Variants in KCNA1 observed in about 807,000 individuals in gnomAD.
KCNA1 encodes potassium channel, voltage gated shaker related subfamily A, member 1.
A neutral mutation model predicts 28.8 loss-of-function variants in KCNA1; 19 were observed. The ratio of observed to expected loss-of-function variants is 0.66; its 90% CI spans 0.46 to 0.97. KCNA1 has a LOEUF of 0.97. Ranked by LOEUF, KCNA1 falls within the 50% of genes least tolerant of loss-of-function variation. The pLI is 0.00. For missense variants in KCNA1, 419 were observed against 659.7 expected (o/e 0.64, Z 4.00); for synonymous variants, 311 against 268.8 (o/e 1.16, Z -1.53).
rs1206027538 is a variant in KCNA1, at chr12:4,911,426, G to C, written c.48G>C (p.Pro16=). 3 of 1,612,926 alleles carry C rather than the reference G, an allele frequency of 1.9e-6. No homozygotes were observed. The highest frequency in any genetic ancestry group is 1.1e-5 in the South Asian group (1 of 91,030). ...GENVDEASAA[P]GHPQDGSYPR... ...ACGTGGACGAGGCTTCGGCCGCCCCGGGCCACCCCCAGGATGGCAGCTACC... is the reference window on the plus strand; with the variant it reads ...ACGTGGACGAGGCTTCGGCCGCCCCCGGCCACCCCCAGGATGGCAGCTACC... The change falls in exon 2 of 2, where the codon CCG becomes CCC. Residue 16 remains proline, a synonymous_variant. Transcript: ENST00000382545. This position sits in a 1 kb window ranked among gnomAD's most constrained non-coding sequence, Gnocchi z 6.6.
chr12:4,912,560 C>T lies in KCNA1; in HGVS notation c.1182C>T (p.Ile394=), dbSNP rs1286917797. 12 of 1,613,680 alleles carry T rather than the reference C, an allele frequency of 7.4e-6. No homozygotes were observed. The highest frequency in any genetic ancestry group is 1.1e-5 in the South Asian group (1 of 91,054). ...GGKIVGSLCA[I]AGVLTIALPV... ...AGATCGTGGGCTCCTTGTGTGCCAT[C>T]GCTGGTGTGCTAACAATTGCCCTGC... The change falls in exon 2 of 2, where the codon ATC becomes ATT. Residue 394 remains isoleucine (I), a synonymous_variant. Coordinates refer to ENST00000382545, the MANE Select transcript of KCNA1 (RefSeq NM_000217.3).
At position 4,914,740 on chromosome 12, in the gene KCNA1, GTCCCTTTGACA is replaced by G. The variant is rs1318232430; in HGVS notation, c.*1875_*1885del. 6.0e-6 allele frequency: 1 copy of G among 167,132 alleles called. No homozygotes were observed. Among genetic ancestry groups the G allele is most frequent in the East Asian group, 1.9e-4 (1 of 5,198 alleles). 10.4% of individuals were successfully genotyped at this position (167,132 alleles called of 1,614,324 possible). A position where few individuals can be genotyped will look rare whatever the true frequency, so the allele number is the denominator to read the frequency against. ...TCTCTCTGGCCATCTACTAGCATTG[GTCCCTTTGACA>G]GCCTGACGCTGGATGTGAACTGAGA... On this transcript the variant is annotated 3_prime_UTR_variant, in exon 2 of 2. Transcript: ENST00000382545.
chr12:4,911,996 C>T lies in KCNA1; in HGVS notation c.618C>T (p.Asp206=). 6.2e-7 allele frequency: 1 copy of T among 1,614,180 alleles called. No homozygotes were observed. The highest frequency in any genetic ancestry group is 1.1e-5 in the South Asian group (1 of 91,082). ...KDFTGTVHRI[D]NTTVIYNSNI... ...TCACGGGCACCGTCCACCGCATCGA[C>T]AACACCACGGTCATCTACAATTCCA... The change falls in exon 2 of 2, where the codon GAC becomes GAT. Residue 206 remains aspartate, a synonymous_variant. Transcript: ENST00000382545. The surrounding 1 kb of genome is among the most constrained non-coding windows in gnomAD (Gnocchi z 6.6).
chr12:4,910,977 C>G lies in KCNA1; in HGVS notation c.-402C>G. ...GGCACTGCACCGGGTCCTAGGAAGG[C>G]TCTCGGAGGGGAGGGGAGGCCAGGG... On this transcript the variant is annotated 5_prime_UTR_variant, in exon 2 of 2. Coordinates refer to ENST00000382545, the MANE Select transcript of KCNA1 (RefSeq NM_000217.3). The surrounding 1 kb of genome is among the most constrained non-coding windows in gnomAD (Gnocchi z 4.9). 4.0e-6 allele frequency: 1 copy of G among 253,044 alleles called. No homozygotes were observed. The highest frequency in any genetic ancestry group is 5.2e-5 in the Admixed American group (1 of 19,360). The allele number at this position is 253,044 out of a possible 1,614,324, so 15.7% of individuals were successfully genotyped here.
Position 4,911,044 on chromosome 12 carries a change from C to A in KCNA1, c.-335C>A, listed in dbSNP as rs1464888324. 5.0e-6 allele frequency: 2 copies of A among 402,782 alleles called. No homozygotes were observed. The highest frequency in any genetic ancestry group is 9.2e-6 in the Non-Finnish European group (2 of 216,936). The allele number at this position is 402,782 out of a possible 1,614,324, so 25.0% of individuals were successfully genotyped here. ...GGCCCAGTCCGCTAGAACGGCACTG[C>A]GTTAAGGCACCTGGGATCAGGAAGA... On this transcript the variant is annotated 5_prime_UTR_variant, in exon 2 of 2. Coordinates refer to ENST00000382545, the MANE Select transcript of KCNA1 (RefSeq NM_000217.3). This position sits in a 1 kb window ranked among gnomAD's most constrained non-coding sequence, Gnocchi z 6.6.
Position 4,911,548 on chromosome 12 carries a change from A to T in KCNA1, c.170A>T (p.Gln57Leu). 1 of 1,614,152 alleles carries T rather than the reference A, an allele frequency of 6.2e-7. No individual in the cohort carries two copies. Among genetic ancestry groups the T allele is most frequent in the Non-Finnish European group, 8.5e-7 (1 of 1,180,028 alleles). Reference protein sequence around the residue: ...RFETQLKTLAQFPNTLLGNPK... With the variant: ...RFETQLKTLALFPNTLLGNPK... Reference sequence around the variant, plus strand: ...GAGACGCAGCTCAAGACCCTGGCGCAGTTCCCCAACACGCTGCTGGGCAAC... The same window carrying T: ...GAGACGCAGCTCAAGACCCTGGCGCTGTTCCCCAACACGCTGCTGGGCAAC... The change falls in exon 2 of 2, where the codon CAG becomes CTG. Residue 57 changes from glutamine (Q) to leucine (L), a missense_variant. Around this residue, in one of 4 missense-constraint regions of KCNA1, gnomAD observed 217 missense variants for 329.6 expected, o/e 0.66. Transcript: ENST00000382545. This position sits in a 1 kb window ranked among gnomAD's most constrained non-coding sequence, Gnocchi z 6.6.
At position 4,913,245 on chromosome 12, in the gene KCNA1, A is replaced by T; in HGVS notation, c.*379A>T. 2.1e-5 allele frequency: 6 copies of T among 282,952 alleles called. No individual in the cohort carries two copies. The allele number at this position is 282,952 out of a possible 1,614,324, so 17.5% of individuals were successfully genotyped here. ...TTTTTTAAAAACTCAGAACAAGATG[A>T]TCACTTAGAAATATGAAATTGAAAT... On this transcript the variant is annotated 3_prime_UTR_variant, in exon 2 of 2. Transcript: ENST00000382545.
chr12:4,914,226 CA>C lies in KCNA1; in HGVS notation c.*1362del, dbSNP rs2137675566. On this transcript the variant is annotated 3_prime_UTR_variant, in exon 2 of 2. Transcript: ENST00000382545. ...TTAAAGGGAAGCCATGTGAAAAACT[CA>C]ATAAGTCATCAAAGTACATATAGCA... 1 of 167,058 alleles carries C rather than the reference CA, an allele frequency of 6.0e-6. No individual in the cohort carries two copies. The highest frequency in any genetic ancestry group is 2.4e-5 in the African/African-American group (1 of 41,510). The allele number at this position is 167,058 out of a possible 1,614,324, so 10.3% of individuals were successfully genotyped here.
chr12:4,912,971 C>A lies in KCNA1; in HGVS notation c.*105C>A. ...CATGTCACGCTTTGTAGATACTTTA[C>A]TAAGTAGACTTGGAATGCTCTATTT... On this transcript the variant is annotated 3_prime_UTR_variant, in exon 2 of 2. Coordinates refer to ENST00000382545, the MANE Select transcript of KCNA1 (RefSeq NM_000217.3). 1.2e-6 allele frequency: 1 copy of A among 832,728 alleles called. No homozygotes were observed. Among genetic ancestry groups the A allele is most frequent in the South Asian group, 1.4e-5 (1 of 72,112 alleles). The allele number at this position is 832,728 out of a possible 1,614,324, so 51.6% of individuals were successfully genotyped here.
rs977437349 is a variant in KCNA1, at chr12:4,913,285, A to C, written c.*419A>C. 7.4e-6 allele frequency: 2 copies of C among 270,942 alleles called. No individual in the cohort carries two copies. Among genetic ancestry groups the C allele is most frequent in the Admixed American group, 1.0e-4 (2 of 19,290 alleles). The allele number at this position is 270,942 out of a possible 1,614,324, so 16.8% of individuals were successfully genotyped here. A position where few individuals can be genotyped will look rare whatever the true frequency, so the allele number is the denominator to read the frequency against. On this transcript the variant is annotated 3_prime_UTR_variant, in exon 2 of 2. Coordinates refer to ENST00000382545, the MANE Select transcript of KCNA1 (RefSeq NM_000217.3). ...GAAATTGAAATTCGCATGGGACTCC[A>C]GTAAAACATCTTTGCAAACTGCGTA...
Position 4,915,598 on chromosome 12 carries a change from T to A in KCNA1, c.*2732T>A, listed in dbSNP as rs1322475450. On this transcript the variant is annotated 3_prime_UTR_variant, in exon 2 of 2. Transcript: ENST00000382545. Reference sequence around the variant, plus strand: ...AACCCTCCCATGTGATGTCTCCTTCTCGTCTGAACCTTAACTCATTCTGGC... The same window carrying A: ...AACCCTCCCATGTGATGTCTCCTTCACGTCTGAACCTTAACTCATTCTGGC... 6.0e-6 allele frequency: 1 copy of A among 167,128 alleles called. No individual in the cohort carries two copies. 10.4% of individuals were successfully genotyped at this position (167,128 alleles called of 1,614,324 possible). A position where few individuals can be genotyped will look rare whatever the true frequency, so the allele number is the denominator to read the frequency against.
In KCNA1 at chr12:4,911,289, G is replaced by C. The variant is rs577510278; in HGVS notation, c.-90G>C. 9.9e-6 allele frequency: 10 copies of C among 1,007,026 alleles called. No individual in the cohort carries two copies. The African/African-American group carries it at 1.3e-4, about 13-fold the overall frequency. 62.4% of individuals were successfully genotyped at this position (1,007,026 alleles called of 1,614,324 possible). A position where few individuals can be genotyped will look rare whatever the true frequency, so the allele number is the denominator to read the frequency against. On this transcript the variant is annotated 5_prime_UTR_variant, in exon 2 of 2. Transcript: ENST00000382545. This position sits in a 1 kb window ranked among gnomAD's most constrained non-coding sequence, Gnocchi z 6.6. ...AGGGAGACGCGCGCTCCGGTGGGGG[G>C]GCCGCTTGGGTCCCCCCCACCCCTG...
chr12:4,911,143 C>A lies in KCNA1; in HGVS notation c.-236C>A. On this transcript the variant is annotated 5_prime_UTR_variant, in exon 2 of 2. Transcript: ENST00000382545. The surrounding 1 kb of genome is among the most constrained non-coding windows in gnomAD (Gnocchi z 6.6). ...CCCAACCCTCTGCAAAAAGCTGCAC[C>A]CGGCCCGCAGGCGAGGGGGATTCCA... 1 of 596,062 alleles carries A rather than the reference C, an allele frequency of 1.7e-6. No individual in the cohort carries two copies. Among genetic ancestry groups the A allele is most frequent in the African/African-American group, 1.9e-5 (1 of 53,826 alleles). 36.9% of individuals were successfully genotyped at this position (596,062 alleles called of 1,614,324 possible).
Position 4,911,880 on chromosome 12 carries a change from G to A in KCNA1, c.502G>A (p.Val168Ile). The A allele has an allele frequency of 4.3e-6, 7 of 1,614,018 alleles. No individual in the cohort carries two copies. Among genetic ancestry groups the A allele is most frequent in the Non-Finnish European group, 5.9e-6 (7 of 1,179,984 alleles). Residue 168 changes from valine to isoleucine, a missense_variant, in exon 2 of 2, where the codon GTC becomes ATC. By Grantham distance (29) the Val-to-Ile change is conservative. Transcript: ENST00000382545. The surrounding 1 kb of genome is among the most constrained non-coding windows in gnomAD (Gnocchi z 6.6). ...CCCCGAGAGCTCGGGGCCCGCCAGGGTCATCGCCATCGTCTCCGTCATGGT... is the reference window on the plus strand; with the variant it reads ...CCCCGAGAGCTCGGGGCCCGCCAGGATCATCGCCATCGTCTCCGTCATGGT... ...EYPESSGPAR[V>I]IAIVSVMVIL...
rs1002085146 is a variant in KCNA1 at position 4,913,992 on chromosome 12, A to T, written c.*1126A>T. The T allele has an allele frequency of 6.0e-6, 1 of 166,920 alleles. No homozygotes were observed. The highest frequency in any genetic ancestry group is 1.5e-5 in the Non-Finnish European group (1 of 68,120). 10.3% of individuals were successfully genotyped at this position (166,920 alleles called of 1,614,324 possible). A position where few individuals can be genotyped will look rare whatever the true frequency, so the allele number is the denominator to read the frequency against. ...CTTATTCAGCATTATGGCCTATTTG[A>T]CTAAGATGTACCTTGAATTAATTAA... On this transcript the variant is annotated 3_prime_UTR_variant, in exon 2 of 2. Coordinates refer to ENST00000382545, the MANE Select transcript of KCNA1 (RefSeq NM_000217.3).
Position 4,913,242 on chromosome 12 carries a change from A to T in KCNA1, c.*376A>T, listed in dbSNP as rs927351500. 18 of 286,914 alleles carry T rather than the reference A, an allele frequency of 6.3e-5. No homozygotes were observed. The highest frequency in any genetic ancestry group is 2.0e-4 in the South Asian group (5 of 24,528). The allele number at this position is 286,914 out of a possible 1,614,324, so 17.8% of individuals were successfully genotyped here. A position where few individuals can be genotyped will look rare whatever the true frequency, so the allele number is the denominator to read the frequency against. On this transcript the variant is annotated 3_prime_UTR_variant, in exon 2 of 2. Coordinates refer to ENST00000382545, the MANE Select transcript of KCNA1 (RefSeq NM_000217.3). ...AACTTTTTTAAAAACTCAGAACAAGATGATCACTTAGAAATATGAAATTGA... is the reference window on the plus strand; with the variant it reads ...AACTTTTTTAAAAACTCAGAACAAGTTGATCACTTAGAAATATGAAATTGA...
rs1251221470 is a variant in KCNA1 at position 4,912,716 on chromosome 12, C to T, written c.1338C>T (p.Ser446=). ...ASDSDLSRRS[S]STMSKSEYME... ...ACAGTGACCTCAGTCGCCGCAGTTC[C>T]TCTACTATGAGCAAGTCTGAGTACA... is the stretch of plus-strand genomic sequence containing the variant. Residue 446 remains serine (S), a synonymous_variant, in exon 2 of 2, where the codon TCC becomes TCT. Coordinates refer to ENST00000382545, the MANE Select transcript of KCNA1 (RefSeq NM_000217.3). The T allele has an allele frequency of 2.5e-6, 4 of 1,613,460 alleles. No homozygotes were observed. Among genetic ancestry groups the T allele is most frequent in the Admixed American group, 3.3e-5 (2 of 59,916 alleles).
rs4766309 is a variant in KCNA1 at position 4,912,818 on chromosome 12, T to A, written c.1440T>A (p.Thr480=). 1,132,005 of 1,613,506 alleles carry A rather than the reference T, an allele frequency of 0.7. 400,817 individuals are homozygous for A. The highest frequency in any genetic ancestry group is 0.95 in the East Asian group (42,721 of 44,876). ...ATATCAGAACTGCCAATTGCACCAC[T>A]GCTAACCAAAACTGCGTTAATAAGA... ...QVNIRTANCT[T]ANQNCVNKSK... Residue 480 remains threonine (T), a synonymous_variant, in exon 2 of 2, where the codon ACT becomes ACA. Transcript: ENST00000382545.
chr12:4,912,344 T>C lies in KCNA1; in HGVS notation c.966T>C (p.Ser322=). Reference sequence around the variant, plus strand: ...TCCTGGGCCAGACCCTCAAAGCTAGTATGAGAGAGCTAGGGCTGCTCATCT... The same window carrying C: ...TCCTGGGCCAGACCCTCAAAGCTAGCATGAGAGAGCTAGGGCTGCTCATCT... ...LQILGQTLKA[S]MRELGLLIFF... is the part of the protein sequence containing the mutation. Residue 322 remains serine (S), a synonymous_variant, in exon 2 of 2, where the codon AGT becomes AGC. Coordinates refer to ENST00000382545, the MANE Select transcript of KCNA1 (RefSeq NM_000217.3). 1.2e-6 allele frequency: 2 copies of C among 1,613,900 alleles called. No homozygotes were observed. Among genetic ancestry groups the C allele is most frequent in the Non-Finnish European group, 1.7e-6 (2 of 1,179,984 alleles).
Sources: gnomAD v4.1 joint callset for allele counts on GRCh38, gnomAD v4.1.1 for gene constraint, gnomAD v4.1.1 regional missense constraint, Gnocchi (gnomAD v3.1) non-coding constraint, MANE v1.5 for transcripts, NCBI Gene and HGNC (gene_info 2026-07-23, HGNC 2026-07-21) for gene names.